MARCHF1: variants seen among roughly 807,000 people sequenced by gnomAD.
MARCHF1 encodes membrane associated ring-CH-type finger 1, also known as E3 ubiquitin-protein ligase MARCHF1.
A neutral mutation model predicts 54.2 loss-of-function variants in MARCHF1; 40 were observed. The ratio of observed to expected loss-of-function variants is 0.74; its 90% confidence interval spans 0.57 to 0.96. The LOEUF is 0.96. Among genes scored for constraint, MARCHF1 ranks in the 40% least tolerant of loss-of-function variants. The pLI is 0.00. For synonymous variants in MARCHF1, 236 were observed against 236.3 expected (o/e 1.00, Z 0.01); for missense variants, 586 against 656.5 (o/e 0.89, Z 1.17).
intron 5 of MARCHF1, among the ~76,000 whole-genome samples, chr4:163,649,467 C>A (rs976801190): frequency 6.6e-6 from 1 of 151,878 alleles, no homozygotes; most frequent in Non-Finnish European, 1.5e-5. Context: ...ATCTATCAAC[C>A]AGAGATTGAT....
intron 4 of MARCHF1, among the ~76,000 whole-genome samples, chr4:163,707,753 T>C (rs1744989586): frequency 7.8e-6 from 1 of 128,600 alleles, no homozygotes. Flanking sequence ...AATATGTGAA[T>C]GAGGACACTT....
intron 9 of MARCHF1, among the ~76,000 whole-genome samples, chr4:163,529,478 T>C (rs1046349953): frequency 6.6e-6 from 1 of 151,986 alleles, no homozygotes; most frequent in African/African-American, 2.4e-5. Flanking sequence ...GGTTTGTATG[T>C]ACAGGTCTTC....
chr4:163,893,321 T>G (rs2111277334), intron 3 of MARCHF1, among the ~76,000 whole-genome samples: 1 of 152,132 alleles, frequency 6.6e-6, no homozygotes, highest in South Asian at 2.1e-4. Flanking sequence ...GTATTTTTAG[T>G]AGAGACAGGG....
chr4:164,242,673 T>C (rs906942516), intron 1 of MARCHF1, among the ~76,000 whole-genome samples: 5 of 152,098 alleles, frequency 3.3e-5, no homozygotes, highest in Admixed American at 2.6e-4. Flanking sequence ...GATGATCAAA[T>C]TACTCTGAGC....
At chr4:164,045,790 C>T (rs1325675906) in intron 2 of MARCHF1, among the ~76,000 whole-genome samples, 2 of 151,242 alleles carry the variant, frequency 1.3e-5, no homozygotes, top group African/African-American at 4.9e-5. Context: ...CAAACAAAAG[C>T]ATCTCAAGAT....
At chr4:163,962,899 C>T (rs1752368848) in intron 3 of MARCHF1, among the ~76,000 whole-genome samples, 1 of 151,794 alleles carries the variant, frequency 6.6e-6, no homozygotes, top group Admixed American at 6.6e-5. Flanking sequence ...AAGGACATGA[C>T]ATCTGGCTTG....
At chr4:164,217,833 T>C (rs1408854236) in intron 1 of MARCHF1, among the ~76,000 whole-genome samples, 2 of 152,158 alleles carry the variant, frequency 1.3e-5, no homozygotes, top group Non-Finnish European at 2.9e-5. Flanking sequence ...AGAAAACATT[T>C]ACAGAATAGG....
intron 2 of MARCHF1, among the ~76,000 whole-genome samples, chr4:164,088,944 T>C (rs971175978): frequency 1.3e-5 from 2 of 152,198 alleles, no homozygotes; most frequent in East Asian, 3.8e-4. Context: ...TACAAACATA[T>C]GGATAATTCT....
chr4:164,241,020 T>C (rs1732727191), intron 1 of MARCHF1, among the ~76,000 whole-genome samples: 4 of 152,130 alleles, frequency 2.6e-5, no homozygotes, highest in Non-Finnish European at 4.4e-5. Context: ...ATTACTCCTA[T>C]AGGTAAGACC....
At chr4:163,696,507 T>G (rs765032445) in intron 5 of MARCHF1, among the ~76,000 whole-genome samples, 1 of 152,144 alleles carries the variant, frequency 6.6e-6, no homozygotes, top group Non-Finnish European at 1.5e-5. Flanking sequence ...TCTCATGAAC[T>G]TCCCTGGTAG....
chr4:164,046,795 T>C (rs1754252554), intron 2 of MARCHF1, among the ~76,000 whole-genome samples: 1 of 152,050 alleles, frequency 6.6e-6, no homozygotes, highest in Non-Finnish European at 1.5e-5. Flanking sequence ...TAGGACAAGG[T>C]GAAGGAAAGC....
At chr4:164,211,034 G>A (rs1418292775) in intron 1 of MARCHF1, among the ~76,000 whole-genome samples, 1 of 151,996 alleles carries the variant, frequency 6.6e-6, no homozygotes, top group Non-Finnish European at 1.5e-5. Context: ...GAGTAGAACA[G>A]TAGTTACCAG....
chr4:164,094,175 A>G (rs1755361578), intron 2 of MARCHF1, among the ~76,000 whole-genome samples: 1 of 152,122 alleles, frequency 6.6e-6, no homozygotes, highest in Non-Finnish European at 1.5e-5. Flanking sequence ...AGCAAAATAA[A>G]AAGGGCTGAA....
intron 4 of MARCHF1, among the ~76,000 whole-genome samples, chr4:163,719,512 G>A (rs1021744109): frequency 2.0e-5 from 3 of 152,078 alleles, no homozygotes; most frequent in Admixed American, 1.3e-4. Flanking sequence ...TGTCTTTATA[G>A]CAGCATGTTT....
intron 9 of MARCHF1, among the ~76,000 whole-genome samples, chr4:163,533,406 G>A (rs903867342): frequency 4.0e-5 from 6 of 151,844 alleles, no homozygotes; most frequent in African/African-American, 2.4e-5. Context: ...ACACCATTCT[G>A]TATGATTCTG....
intron 5 of MARCHF1, among the ~76,000 whole-genome samples, chr4:163,677,339 C>T (rs1188845082): frequency 6.6e-6 from 1 of 152,092 alleles, no homozygotes; most frequent in Non-Finnish European, 1.5e-5. Context: ...ATCATTTATT[C>T]CCATCTTACT....
intron 2 of MARCHF1, among the ~76,000 whole-genome samples, chr4:164,047,245 TTCAAGAAAAAAGGCAC>T (rs1560878250): frequency 2.5e-4 from 14 of 56,766 alleles, no homozygotes; most frequent in African/African-American, 1.8e-3. Flanking sequence ...AAAAAGGCAC[TTCAAGAAAAAAGGCAC>T]TTCAAGAAAA....
chr4:163,742,215 T>C (rs9308065), intron 4 of MARCHF1, among the ~76,000 whole-genome samples: 13,862 of 152,182 alleles, frequency 0.091, 1,160 homozygotes, highest in African/African-American at 0.22. Flanking sequence ...TCATCGATTG[T>C]GCTCACTTTC....
chr4:163,545,985 A>AT (rs1178713803), intron 8 of MARCHF1, among the ~76,000 whole-genome samples: 4 of 131,962 alleles, frequency 3.0e-5, no homozygotes, highest in African/African-American at 1.3e-4. Context: ...GTGTGTGTGT[A>AT]TTTTTTTGAG....
Sources: gnomAD v4.1 joint callset for allele counts (sites outside exome capture counted in the v4.1 genomes callset) on GRCh38, gnomAD v4.1.1 for gene constraint, MANE v1.5 for transcripts, NCBI Gene and HGNC (gene_info 2026-07-23, HGNC 2026-07-21) for gene names.